Variants in KCNG3 observed in about 807,000 individuals in gnomAD.
The protein encoded by KCNG3 is potassium voltage-gated channel modifier subfamily G member 3, also known as voltage-gated potassium channel regulatory subunit KCNG3.
KCNG3 carries 15 observed loss-of-function variants against 29.0 expected under a neutral mutation model. The ratio of observed to expected loss-of-function variants is 0.52; its 90% CI spans 0.35 to 0.80. The LOEUF (loss-of-function observed/expected upper bound fraction) is 0.80. Among genes scored for constraint, KCNG3 ranks in the 30% least tolerant of loss-of-function variants. The pLI is 0.01. For missense variants in KCNG3, 512 were observed against 605.7 expected (o/e 0.85, Z 1.62); for synonymous variants, 322 against 248.9 (o/e 1.29, Z -2.76).
At chr2:42,488,245 A>G (rs899666129) in intron 1 of KCNG3, among the ~76,000 whole-genome samples, 1 of 152,214 alleles carries the variant, frequency 6.6e-6, no homozygotes, top group Non-Finnish European at 1.5e-5. Flanking sequence ...TTGCTTTGGA[A>G]GACCTAAGAT....
chr2:42,417,952 A>G, the KCNG3 span, among the ~76,000 whole-genome samples: 1 of 152,022 alleles, frequency 6.6e-6, no homozygotes, highest in Non-Finnish European at 1.5e-5. Flanking sequence ...AGCCTGGGTG[A>G]CAGAGTGAGA....
At chr2:42,405,363 T>G in the KCNG3 span, among the ~76,000 whole-genome samples, 809 of 152,278 alleles carry the variant, frequency 5.3e-3, 9 homozygotes, top group Non-Finnish European at 9.9e-3. Flanking sequence ...TGTTTTCTGT[T>G]TCATCAATTT....
Position 42,493,311 on chromosome 2 carries a change from T to C in KCNG3, c.191A>G (p.Asp64Gly). 6.2e-7 allele frequency: 1 copy of C among 1,610,360 alleles called. No homozygotes were observed. The highest frequency in any genetic ancestry group is 8.5e-7 in the Non-Finnish European group (1 of 1,178,872). The part of the protein sequence containing the change: ...YDRERNEYFF[D>G]RHSEAFGFIL... ...GAAGCCGAAGGCCTCCGAGTGCCGG[T>C]CGAAGAAGTACTCGTTGCGCTCGCG... Residue 64 changes from aspartate to glycine, a missense_variant, in exon 1 of 2, where the codon GAC (aspartate) becomes GGC (glycine). Around this residue, in one of 5 missense-constraint regions of KCNG3, gnomAD observed 91 missense variants for 91.1 expected, o/e 1.00. Coordinates refer to ENST00000306078, the MANE Select transcript of KCNG3 (RefSeq NM_133329.6).
intron 1 of KCNG3, among the ~76,000 whole-genome samples, chr2:42,455,630 T>G (rs912487654): frequency 6.6e-6 from 1 of 152,042 alleles, no homozygotes; most frequent in Non-Finnish European, 1.5e-5. Context: ...AATTAGCCAG[T>G]GTGGGGCATG....
the KCNG3 span, among the ~76,000 whole-genome samples, chr2:42,405,198 C>A: frequency 6.6e-6 from 1 of 152,212 alleles, no homozygotes; most frequent in Non-Finnish European, 1.5e-5. Context: ...TCTGGAATCA[C>A]GTTTTATAGC....
downstream of KCNG3, chr2:42,441,965 T>C (rs1672496152): frequency 6.6e-6 from 1 of 151,916 alleles, no homozygotes; most frequent in Admixed American, 6.6e-5. Flanking sequence ...AGTTATAATT[T>C]ACTTGGGAAG....
intron 1 of KCNG3, among the ~76,000 whole-genome samples, chr2:42,458,583 A>C (rs1672937362): frequency 6.6e-6 from 1 of 152,196 alleles, no homozygotes; most frequent in South Asian, 2.1e-4. Flanking sequence ...TTCTGTGAAA[A>C]ATTACAGGCA....
At chr2:42,466,810 T>G in intron 1 of KCNG3, among the ~76,000 whole-genome samples, 1 of 148,270 alleles carries the variant, frequency 6.7e-6, no homozygotes, top group Non-Finnish European at 1.5e-5. Context: ...TGGAGTGCAG[T>G]GGTGCGATCT....
chr2:42,467,535 G>T (rs1446962756), intron 1 of KCNG3, among the ~76,000 whole-genome samples: 4 of 151,744 alleles, frequency 2.6e-5, no homozygotes, highest in African/African-American at 7.3e-5. Context: ...AGGCATGGTG[G>T]CACATGCCTG....
At chr2:42,478,776 C>G (rs1673505819) in intron 1 of KCNG3, among the ~76,000 whole-genome samples, 1 of 152,094 alleles carries the variant, frequency 6.6e-6, no homozygotes, top group South Asian at 2.1e-4. Context: ...GGTTATGCCT[C>G]AAGAGTTACT....
At chr2:42,466,240 T>A (rs1398840866) in intron 1 of KCNG3, among the ~76,000 whole-genome samples, 2 of 152,100 alleles carry the variant, frequency 1.3e-5, no homozygotes, top group Non-Finnish European at 2.9e-5. Context: ...ACCCTGTCTC[T>A]AACAAAAATA....
intron 1 of KCNG3, among the ~76,000 whole-genome samples, chr2:42,488,150 T>G (rs1673776080): frequency 1.3e-5 from 2 of 152,206 alleles, no homozygotes. Context: ...GCTTTTAGAT[T>G]TTGAACCGTT....
At chr2:42,431,776 GCCTTTAA>G in the KCNG3 span, among the ~76,000 whole-genome samples, 1 of 152,196 alleles carries the variant, frequency 6.6e-6, no homozygotes, top group Admixed American at 6.5e-5. Context: ...AGTGGCTTCT[GCCTTTAA>G]CCCCAACACT....
the KCNG3 span, among the ~76,000 whole-genome samples, chr2:42,408,877 G>A: frequency 6.6e-6 from 1 of 152,168 alleles, no homozygotes; most frequent in African/African-American, 2.4e-5. Context: ...GCTCCCTGAG[G>A]CAGGGCTGTG....
At chr2:42,450,274 G>A (rs1039715384) in intron 1 of KCNG3, among the ~76,000 whole-genome samples, 1 of 152,134 alleles carries the variant, frequency 6.6e-6, no homozygotes, top group Non-Finnish European at 1.5e-5. Context: ...CACACCTTAG[G>A]TCAGATGCAG....
At chr2:42,477,898 T>C (rs934019913) in intron 1 of KCNG3, among the ~76,000 whole-genome samples, 7 of 151,658 alleles carry the variant, frequency 4.6e-5, no homozygotes, top group African/African-American at 1.2e-4. Context: ...ATATATATTT[T>C]TTTGAGTCAC....
intron 1 of KCNG3, among the ~76,000 whole-genome samples, chr2:42,447,350 C>T (rs1672626509): frequency 2.6e-5 from 4 of 151,976 alleles, no homozygotes; most frequent in South Asian, 2.1e-4. Context: ...TAGCATGTTA[C>T]ACTAATTGCC....
rs574548478 is a variant in KCNG3, at chr2:42,492,781, G to A, written c.665+56C>T. ...CAGGACGGAGACGGGACGTATGGACGGGACGGACAGACGCGACAGGACGGA... is the reference window on the plus strand; with the variant it reads ...CAGGACGGAGACGGGACGTATGGACAGGACGGACAGACGCGACAGGACGGA... On this transcript the variant is annotated intron_variant, in intron 1 of 1. Transcript: ENST00000306078. 97 of 1,372,998 alleles carry A rather than the reference G, an allele frequency of 7.1e-5. No individual in the cohort carries two copies. The East Asian group carries it at 2.2e-3, about 31-fold the overall frequency. 85.1% of individuals were successfully genotyped at this position (1,372,998 alleles called of 1,614,324 possible). A position where few individuals can be genotyped will look rare whatever the true frequency, so the allele number is the denominator to read the frequency against.
downstream of KCNG3, among the ~76,000 whole-genome samples, chr2:42,441,245 C>A (rs2103655134): frequency 6.6e-6 from 1 of 151,676 alleles, no homozygotes; most frequent in African/African-American, 2.4e-5. Context: ...AAAAATTAAC[C>A]AGCATGGTGA....
Sources: gnomAD v4.1 joint callset for allele counts (sites outside exome capture counted in the v4.1 genomes callset) on GRCh38, gnomAD v4.1.1 for gene constraint, gnomAD v4.1.1 regional missense constraint, MANE v1.5 for transcripts, NCBI Gene and HGNC (gene_info 2026-07-23, HGNC 2026-07-21) for gene names.